The following GTPBP4 variants were observed in gnomAD, a reference collection of about 807,000 sequenced individuals.
The protein encoded by GTPBP4 is GTP-binding protein 4.
A neutral mutation model predicts 81.7 loss-of-function variants in GTPBP4; 15 were observed. That is an observed-to-expected ratio of 0.18 (90% CI 0.12 to 0.28). GTPBP4 has a LOEUF of 0.28. Ranked by LOEUF, GTPBP4 falls within the 10% of genes least tolerant of loss-of-function variation. GTPBP4 has a pLI of 1.00. For missense variants in GTPBP4, 847 were observed against 793.8 expected, an observed-to-expected ratio of 1.07 and a Z score of -0.81; for synonymous variants, 272 against 274.6, an observed-to-expected ratio of 0.99 and a Z score of 0.09.
chr10:992,644 T>A lies in GTPBP4; in HGVS notation c.204T>A (p.Asp68Glu). 1 of 1,604,474 alleles carries A rather than the reference T, an allele frequency of 6.2e-7. No homozygotes were observed. The highest frequency in any genetic ancestry group is 1.3e-5 in the African/African-American group (1 of 74,812). ...ATAGACTTTCACAAATTCTAACAGA[T>A]TTCCCCAAATTGGATGTAAGTGACT... ...YHDRLSQILT[D>E]FPKLDDIHPF... Residue 68 changes from aspartate (D) to glutamate (E), a missense_variant, in exon 2 of 17, where the codon GAT becomes GAA. Transcript: ENST00000360803.
chr10:1,017,106 A>G lies in GTPBP4; in HGVS notation c.1784A>G (p.Asn595Ser). ...MVKKAKTMMK[N>S]AQKKMNRLGK... is the part of the protein sequence containing the mutation. ...AAGAAAGCCAAGACTATGATGAAGA[A>G]TGCTCAGAAGAAGATGAATCGGTTG... Residue 595 changes from asparagine (N) to serine (S), a missense_variant, in exon 17 of 17, where the codon AAT becomes AGT. This residue lies in a region of GTPBP4 where 600 missense variants were observed against 557.1 expected (regional missense o/e 1.08). Coordinates refer to ENST00000360803, the MANE Select transcript of GTPBP4 (RefSeq NM_012341.3). 6.2e-7 allele frequency: 1 copy of G among 1,614,026 alleles called. No individual in the cohort carries two copies. Among genetic ancestry groups the G allele is most frequent in the Non-Finnish European group, 8.5e-7 (1 of 1,179,888 alleles).
chr10:989,115 T>A (rs1365913513), intron 1 of GTPBP4, among the ~76,000 whole-genome samples: 16 of 38,226 alleles, frequency 4.2e-4, no homozygotes, highest in East Asian at 1.8e-3. Flanking sequence ...GTATTAGGAC[T>A]TTTTTTTTTT....
chr10:992,139 A>C (rs11253554), intron 1 of GTPBP4, among the ~76,000 whole-genome samples: 1 of 151,162 alleles, frequency 6.6e-6, no homozygotes. Context: ...GGTGGCTCAC[A>C]CCTGTAATCC....
chr10:1,000,632 C>G (rs745942586), intron 6 of GTPBP4, 45 bp from the exon 7 acceptor site: 2 of 1,211,860 alleles, frequency 1.7e-6, no homozygotes, highest in South Asian at 1.8e-5. Context: ...GGACAAGAAG[C>G]TTGTGGGTGA....
chr10:1,007,246 G>T lies in GTPBP4; in HGVS notation c.1113+118G>T, dbSNP rs1458562912. On this transcript the variant is annotated intron_variant, in intron 10 of 16. Coordinates refer to ENST00000360803, the MANE Select transcript of GTPBP4 (RefSeq NM_012341.3). Reference sequence around the variant, plus strand: ...ACACTCGCAGGTGGATATTGTGGGTGGGCCTCAGTTTCACCTTCTTGCTTA... The same window carrying T: ...ACACTCGCAGGTGGATATTGTGGGTTGGCCTCAGTTTCACCTTCTTGCTTA... 6.3e-6 allele frequency: 4 copies of T among 636,122 alleles called. No homozygotes were observed. The African/African-American group carries it at 7.3e-5, about 12-fold the overall frequency. The allele number at this position is 636,122 out of a possible 1,614,324, so 39.4% of individuals were successfully genotyped here. A position where few individuals can be genotyped will look rare whatever the true frequency, so the allele number is the denominator to read the frequency against.
At chr10:992,779 T>C (rs1831467869) in intron 2 of GTPBP4, 120 bp downstream of exon 2, 2 of 612,346 alleles carry the variant, frequency 3.3e-6, no homozygotes, top group African/African-American at 3.8e-5. Flanking sequence ...CTTAGGTTAC[T>C]CAGTAAGTTA....
At chr10:993,755 G>A (rs117084544) in intron 2 of GTPBP4, among the ~76,000 whole-genome samples, 3,895 of 152,196 alleles carry the variant, frequency 0.026, 83 homozygotes, top group Non-Finnish European at 0.041. Context: ...GAAATGTTTG[G>A]CTTCTGTGAC....
chr10:997,453 A>C (rs1831554825), intron 5 of GTPBP4, 145 bp downstream of exon 5: 2 of 686,162 alleles, frequency 2.9e-6, no homozygotes, highest in Non-Finnish European at 5.3e-6. Context: ...GGCCTTGGTA[A>C]TAATTTCGGC....
chr10:1,003,416 C>T (rs1451432426), intron 8 of GTPBP4, among the ~76,000 whole-genome samples: 2 of 152,166 alleles, frequency 1.3e-5, no homozygotes, highest in African/African-American at 4.8e-5. Flanking sequence ...TCATTAGAGT[C>T]TGTTCCTAGA....
chr10:1,003,114 C>T (rs1831667308), intron 8 of GTPBP4, among the ~76,000 whole-genome samples: 1 of 150,868 alleles, frequency 6.6e-6, no homozygotes, highest in Non-Finnish European at 1.5e-5. Flanking sequence ...GTTCTTCCTG[C>T]TTTTTTTCTC....
chr10:988,717 A>G lies in GTPBP4; in HGVS notation c.48+190A>G. ...CCCAGCAGAATCCGGGGTCCACCAG[A>G]GATCGGATCCCCCAGAGACCGGGGT... is the stretch of plus-strand genomic sequence containing the variant. On this transcript the variant is annotated intron_variant, in intron 1 of 16. Transcript: ENST00000360803. 5.0e-6 allele frequency: 3 copies of G among 596,342 alleles called. No homozygotes were observed. In the South Asian group the frequency reaches 5.9e-5, roughly 12 times the overall value. 36.9% of individuals were successfully genotyped at this position (596,342 alleles called of 1,614,324 possible). A position where few individuals can be genotyped will look rare whatever the true frequency, so the allele number is the denominator to read the frequency against.
At position 1,007,133 on chromosome 10, in the gene GTPBP4, G is replaced by A. The variant is rs1589028601; in HGVS notation, c.1113+5G>A. 2.7e-6 allele frequency: 4 copies of A among 1,501,506 alleles called. No homozygotes were observed. The allele number at this position is 1,501,506 out of a possible 1,614,324, so 93.0% of individuals were successfully genotyped here. On this transcript the variant is annotated splice_donor_5th_base_variant and intron_variant, in intron 10 of 16. Transcript: ENST00000360803. Reference sequence around the variant, plus strand: ...CCAACCAGGAGGGACGATAAGGTAAGACGGCCCCTGGGACAGCCGTGGGCT... The same window carrying A: ...CCAACCAGGAGGGACGATAAGGTAAAACGGCCCCTGGGACAGCCGTGGGCT...
chr10:1,009,656 TTAATAAG>T, intron 12 of GTPBP4, 76 bp downstream of exon 12: 1 of 865,150 alleles, frequency 1.2e-6, no homozygotes, highest in Admixed American at 1.8e-5. Flanking sequence ...GGGAAAGACT[TTAATAAG>T]TAATAAAAGT....
chr10:1,010,586 G>A, intron 13 of GTPBP4, 66 bp downstream of exon 13: 1 of 901,186 alleles, frequency 1.1e-6, no homozygotes, highest in South Asian at 1.3e-5. Flanking sequence ...CTGGAAGATA[G>A]CAGCATGGCT....
chr10:1,019,908 A>G lies in GTPBP4; in HGVS notation c.*2681A>G, dbSNP rs1016673041. On this transcript the variant is annotated 3_prime_UTR_variant, in exon 17 of 17. Coordinates refer to ENST00000360803, the MANE Select transcript of GTPBP4 (RefSeq NM_012341.3). ...GAATTTACAGAAAAATAGAGAAAAT[A>G]AACACATTTGTTTTCCTCAGAAAAT... The G allele has an allele frequency of 6.3e-6, 7 of 1,110,874 alleles. No homozygotes were observed. Among genetic ancestry groups the G allele is most frequent in the Non-Finnish European group, 9.3e-6 (7 of 749,834 alleles). The allele number at this position is 1,110,874 out of a possible 1,614,324, so 68.8% of individuals were successfully genotyped here. A position where few individuals can be genotyped will look rare whatever the true frequency, so the allele number is the denominator to read the frequency against.
intron 16 of GTPBP4, among the ~76,000 whole-genome samples, chr10:1,016,330 G>C (rs183936106): frequency 2.0e-5 from 3 of 152,230 alleles, no homozygotes; most frequent in Non-Finnish European, 4.4e-5. Flanking sequence ...TTCCCCCCAG[G>C]TGGAGAGCTT....
At position 1,015,867 on chromosome 10, in the gene GTPBP4, C is replaced by A. The variant is rs746622838; in HGVS notation, c.1723C>A (p.Arg575Ser). The change falls in exon 16 of 17, where the codon CGT (arginine) becomes AGT (serine). Residue 575 changes from arginine (R) to serine (S), a missense_variant. Around this residue, in one of 3 missense-constraint regions of GTPBP4, gnomAD observed 600 missense variants for 557.1 expected, o/e 1.08. Transcript: ENST00000360803. ...GAGTGGGAGTTGCTCTCGAACTCCA[C>A]GTGACGTTTCTGGTCTTAGGGATGT... ...ARSGSCSRTP[R>S]DVSGLRDVKM... is the part of the protein sequence containing the mutation. The A allele has an allele frequency of 6.8e-6, 11 of 1,613,382 alleles. No homozygotes were observed. Among genetic ancestry groups the A allele is most frequent in the African/African-American group, 1.3e-5 (1 of 74,924 alleles).
In GTPBP4 at chr10:1,015,848, G is replaced by A. The variant is rs1293457350; in HGVS notation, c.1704G>A (p.Gly568=). The stretch of plus-strand genomic sequence containing the variant: ...CCCCGTCCTCTGTGGCCCGGAGTGG[G>A]AGTTGCTCTCGAACTCCACGTGACG... The part of the protein sequence containing the change: ...SAPPSSVARS[G]SCSRTPRDVS... The change falls in exon 16 of 17, where the codon GGG becomes GGA. Residue 568 remains glycine, a synonymous_variant. Transcript: ENST00000360803. The A allele has an allele frequency of 4.3e-6, 7 of 1,613,932 alleles. No individual in the cohort carries two copies. In the Admixed American group the frequency reaches 5.0e-5, roughly 12 times the overall value.
chr10:1,001,336 C>T (rs1203871784), intron 8 of GTPBP4, among the ~76,000 whole-genome samples: 1 of 152,198 alleles, frequency 6.6e-6, no homozygotes, highest in Non-Finnish European at 1.5e-5. Flanking sequence ...CTTCATAAAA[C>T]AGGTTCTGTG....
Sources: gnomAD v4.1 joint callset for allele counts (sites outside exome capture counted in the v4.1 genomes callset) on GRCh38, gnomAD v4.1.1 for gene constraint, gnomAD v4.1.1 regional missense constraint, MANE v1.5 for transcripts, NCBI Gene and HGNC (gene_info 2026-07-23, HGNC 2026-07-21) for gene names.